PARD6G: variants seen among roughly 807,000 people sequenced by gnomAD.
PARD6G encodes the protein partitioning defective 6 homolog gamma.
PARD6G carries 7 observed loss-of-function variants against 10.7 expected under a neutral mutation model. The ratio of observed to expected loss-of-function variants is 0.66; its 90% CI spans 0.37 to 1.23. The LOEUF (loss-of-function observed/expected upper bound fraction) is 1.23. PARD6G is among the 50% of genes most tolerant of loss of function. PARD6G has a pLI of 0.02. For synonymous variants in PARD6G, 287 were observed against 269.4 expected (o/e 1.07, Z -0.64); for missense variants, 548 against 571.8 (o/e 0.96, Z 0.42).
rs984324654 is a variant in PARD6G at position 80,228,495 on chromosome 18, G to A, written c.72+18782C>T. On this transcript the variant is annotated intron_variant, in intron 1 of 2. Transcript: ENST00000353265. This position sits in a 1 kb window ranked among gnomAD's most constrained non-coding sequence, Gnocchi z 4.6. ...AGGGGTCCCCACCCCCACAAGGCCC[G>A]CCCACCCCAGGCTTGCCCCAAGGTG... Among the ~76,000 whole-genome samples, 1 of 116,374 alleles carries A rather than the reference G, an allele frequency of 8.6e-6. No homozygotes were observed. The highest frequency in any genetic ancestry group is 1.8e-5 in the Non-Finnish European group (1 of 55,956). 76.3% of individuals were successfully genotyped at this position (116,374 alleles called of 152,430 possible). A position where few individuals can be genotyped will look rare whatever the true frequency, so the allele number is the denominator to read the frequency against.
intron 1 of PARD6G, among the ~76,000 whole-genome samples, chr18:80,242,132 G>C (rs1294790654): frequency 6.6e-6 from 1 of 152,184 alleles, no homozygotes; most frequent in African/African-American, 2.4e-5. Flanking sequence ...GCCTCCAGGG[G>C]CAGTGACGCC....
rs899527694 is a variant in PARD6G at position 80,188,910 on chromosome 18, C to G, written c.295+13800G>C. On this transcript the variant is annotated intron_variant, in intron 2 of 2. Transcript: ENST00000353265. The surrounding 1 kb of genome is among the most constrained non-coding windows in gnomAD (Gnocchi z 5.4). The stretch of plus-strand genomic sequence containing the variant: ...GTGGACTTGCTGGGGCATCTGAACA[C>G]AAGAGTGACCTGGGGGGTGAATGCA... 2.0e-5 allele frequency among the ~76,000 whole-genome samples: 3 copies of G among 152,166 alleles called. No individual in the cohort carries two copies. Among genetic ancestry groups the G allele is most frequent in the Admixed American group, 6.5e-5 (1 of 15,284 alleles).
At chr18:80,208,742 A>T (rs72980350) in intron 1 of PARD6G, among the ~76,000 whole-genome samples, 39,922 of 150,450 alleles carry the variant, frequency 0.27, 6,917 homozygotes, top group Non-Finnish European at 0.4. Context: ...GTTTATGTTA[A>T]AAAAAAAAAT....
At chr18:80,230,787 C>T (rs1198355436) in intron 1 of PARD6G, among the ~76,000 whole-genome samples, 2 of 152,064 alleles carry the variant, frequency 1.3e-5, no homozygotes, top group East Asian at 1.9e-4. Flanking sequence ...ACATGGTCTC[C>T]GTCCAGAAGG....
chr18:80,244,741 G>A (rs139884283), intron 1 of PARD6G, among the ~76,000 whole-genome samples: 89 of 152,244 alleles, frequency 5.8e-4, no homozygotes, highest in African/African-American at 2.0e-3. Context: ...CTCCCCAGAC[G>A]CCATTTTCCC....
intron 2 of PARD6G, chr18:80,176,062 A>C (rs558706523): frequency 6.1e-6 from 1 of 164,288 alleles, no homozygotes; most frequent in African/African-American, 2.4e-5. Flanking sequence ...GGTGACCCAG[A>C]GGTGGAGGAG....
At chr18:80,195,318 C>T (rs1056043030) in intron 2 of PARD6G, among the ~76,000 whole-genome samples, 2 of 151,906 alleles carry the variant, frequency 1.3e-5, no homozygotes, top group Non-Finnish European at 2.9e-5. Context: ...CGAGGCCAGG[C>T]TGACAGGAGC....
intron 1 of PARD6G, among the ~76,000 whole-genome samples, chr18:80,204,714 C>A (rs1391030458): frequency 1.3e-5 from 2 of 151,904 alleles, no homozygotes; most frequent in Non-Finnish European, 2.9e-5. Flanking sequence ...TTTGGGAGGC[C>A]AAGGCGGGCA....
intron 2 of PARD6G, among the ~76,000 whole-genome samples, chr18:80,187,122 A>G (rs899242377): frequency 2.4e-4 from 37 of 151,762 alleles, no homozygotes; most frequent in African/African-American, 8.5e-4. Flanking sequence ...AAGAGAAATC[A>G]AGGAAGAATC....
At chr18:80,176,984 AT>A (rs2052812073) in intron 2 of PARD6G, among the ~76,000 whole-genome samples, 1 of 148,674 alleles carries the variant, frequency 6.7e-6, no homozygotes, top group Non-Finnish European at 1.5e-5. Flanking sequence ...CACACACAGG[AT>A]AAATCACAGC....
intron 2 of PARD6G, among the ~76,000 whole-genome samples, chr18:80,194,318 T>C (rs1163030597): frequency 1.3e-5 from 2 of 152,164 alleles, no homozygotes; most frequent in East Asian, 3.8e-4. Flanking sequence ...TCTACGTAAA[T>C]AAAGGTGCCA....
chr18:80,238,446 CA>C (rs1001167741), intron 1 of PARD6G, among the ~76,000 whole-genome samples: 33 of 149,356 alleles, frequency 2.2e-4, no homozygotes, highest in African/African-American at 8.1e-4. Flanking sequence ...ACCTATGTAA[CA>C]AACCTGCATG....
At chr18:80,186,761 C>T (rs954846469) in intron 2 of PARD6G, among the ~76,000 whole-genome samples, 2 of 152,186 alleles carry the variant, frequency 1.3e-5, no homozygotes, top group Non-Finnish European at 2.9e-5. Flanking sequence ...CCCTCGGCCC[C>T]CAAATCTCCC....
chr18:80,235,069 C>T (rs1386764008), intron 1 of PARD6G, among the ~76,000 whole-genome samples: 2 of 152,170 alleles, frequency 1.3e-5, no homozygotes, highest in Non-Finnish European at 2.9e-5. Context: ...TTCTCACCAC[C>T]ACACCACACC....
In PARD6G at chr18:80,200,070, G is replaced by A. The variant is rs151104912; in HGVS notation, c.295+2640C>T. On this transcript the variant is annotated intron_variant, in intron 2 of 2. Coordinates refer to ENST00000353265, the MANE Select transcript of PARD6G (RefSeq NM_032510.4). This position sits in a 1 kb window ranked among gnomAD's most constrained non-coding sequence, Gnocchi z 4.4. Reference sequence around the variant, plus strand: ...ATATATTTAAATAAAATACGTCCGTGTACAGAAAGTTATTAAGTAAATGAC... The same window carrying A: ...ATATATTTAAATAAAATACGTCCGTATACAGAAAGTTATTAAGTAAATGAC... 2.0e-5 allele frequency among the ~76,000 whole-genome samples: 3 copies of A among 152,286 alleles called. No individual in the cohort carries two copies. The East Asian group carries it at 5.8e-4, about 29-fold the overall frequency.
In PARD6G at chr18:80,160,032, G is replaced by T; in HGVS notation, c.870C>A (p.Pro290=). The T allele has an allele frequency of 6.5e-7, 1 of 1,537,548 alleles. No homozygotes were observed. Residue 290 remains proline (P), a synonymous_variant, in exon 3 of 3, where the codon CCC becomes CCA. Transcript: ENST00000353265. ...PAPRVLQNFH[P]DEAESDEDND... ...TGTCCTCATCGCTCTCCGCCTCGTC[G>T]GGGTGGAAGTTCTGCAGGACGCGCG...
intron 2 of PARD6G, among the ~76,000 whole-genome samples, chr18:80,199,792 T>G (rs560685867): frequency 1.3e-5 from 2 of 152,228 alleles, no homozygotes; most frequent in African/African-American, 4.8e-5. Context: ...TACAGGCACA[T>G]GCCACTACAC....
chr18:80,198,868 T>C (rs966089770), intron 2 of PARD6G, among the ~76,000 whole-genome samples: 1 of 152,102 alleles, frequency 6.6e-6, no homozygotes, highest in Non-Finnish European at 1.5e-5. Context: ...AGGTAGACAG[T>C]CCTTTCTATT....
intron 1 of PARD6G, among the ~76,000 whole-genome samples, chr18:80,232,114 T>A (rs548455306): frequency 6.6e-6 from 1 of 152,292 alleles, no homozygotes; most frequent in Non-Finnish European, 1.5e-5. Context: ...AAAGCTGTGC[T>A]CATGAGTGTG....
Sources: allele counts gnomAD v4.1 joint callset (sites outside exome capture counted in the v4.1 genomes callset), GRCh38; gene constraint gnomAD v4.1.1; non-coding constraint Gnocchi (gnomAD v3.1); transcripts MANE v1.5; gene names NCBI Gene and HGNC (gene_info 2026-07-23, HGNC 2026-07-21).